Variants in PCSK2 observed in about 807,000 individuals in gnomAD.
PCSK2 encodes proprotein convertase subtilisin/kexin type 2.
A neutral mutation model predicts 69.7 loss-of-function variants in PCSK2; 14 were observed. The observed-to-expected ratio is 0.20, with a 90% CI of 0.13 to 0.31. PCSK2 has a LOEUF of 0.31. PCSK2 is among the 10% of genes least tolerant of loss of function. The pLI is 1.00. For synonymous variants in PCSK2, 307 were observed against 320.7 expected, an observed-to-expected ratio of 0.96 and a Z score of 0.46; for missense variants, 544 against 842.5, an observed-to-expected ratio of 0.65 and a Z score of 4.39.
At chr20:17,452,109 A>G (rs745418019) in intron 8 of PCSK2, among the ~76,000 whole-genome samples, 21 of 151,438 alleles carry the variant, frequency 1.4e-4, no homozygotes, top group Non-Finnish European at 2.7e-4. Context: ...CGAACTCCCG[A>G]CCCCAGGTGA....
At chr20:17,383,157 G>A (rs55709719) in intron 5 of PCSK2, among the ~76,000 whole-genome samples, 11,571 of 152,254 alleles carry the variant, frequency 0.076, 554 homozygotes, top group Non-Finnish European at 0.11. Flanking sequence ...CTGACTGGCT[G>A]AGGATTGAAC....
chr20:17,476,990 A>G (rs2033302026), intron 11 of PCSK2, among the ~76,000 whole-genome samples: 1 of 152,234 alleles, frequency 6.6e-6, no homozygotes, highest in African/African-American at 2.4e-5. Context: ...ATTCAGCATC[A>G]GTATCCGGGG....
chr20:17,369,193 G>A (rs1247450212), intron 4 of PCSK2, 47 bp from the exon 5 acceptor site: 1 of 1,557,054 alleles, frequency 6.4e-7, no homozygotes, highest in African/African-American at 1.4e-5. Context: ...AGGACACAGT[G>A]GCAGGTATTA....
chr20:17,367,389 C>CT (rs1403252865), intron 4 of PCSK2, among the ~76,000 whole-genome samples: 1 of 152,180 alleles, frequency 6.6e-6, no homozygotes, highest in Non-Finnish European at 1.5e-5. Context: ...TTGAAAACCG[C>CT]TTTGCAAAGT....
At chr20:17,264,027 G>A (rs929147419) in intron 2 of PCSK2, among the ~76,000 whole-genome samples, 2 of 152,072 alleles carry the variant, frequency 1.3e-5, no homozygotes, top group African/African-American at 4.8e-5. Flanking sequence ...TTCAGTCCCT[G>A]GTCAACATAT....
rs6034796 is a variant in PCSK2 at position 17,313,493 on chromosome 20, A to G, written c.283-44834A>G. On this transcript the variant is annotated intron_variant, in intron 2 of 11. Coordinates refer to ENST00000262545, the MANE Select transcript of PCSK2 (RefSeq NM_002594.5). ...ACAACACTAAAACCCAGGAGGAAGC[A>G]GTTGACTTAAGACCTTCGAGTGACT... 4.4e-3 allele frequency among the ~76,000 whole-genome samples: 672 copies of G among 152,270 alleles called. 8 individuals carry two copies. Among genetic ancestry groups the G allele is most frequent in the African/African-American group, 0.016 (646 of 41,538 alleles).
At position 17,423,019 on chromosome 20, in the gene PCSK2, A is replaced by T. The variant is rs377392812; in HGVS notation, c.621-6416A>T. 2.6e-5 allele frequency among the ~76,000 whole-genome samples: 4 copies of T among 152,316 alleles called. No homozygotes were observed. The East Asian group carries it at 5.8e-4, about 22-fold the overall frequency. On this transcript the variant is annotated intron_variant, in intron 6 of 11. Transcript: ENST00000262545. ...GGATATAAATCTTTTAGGAAAAAAT[A>T]AAGAAAAACATCTTTATGATCATGA... is the stretch of plus-strand genomic sequence containing the variant.
chr20:17,229,996 C>G lies in PCSK2; in HGVS notation c.177+2514C>G, dbSNP rs147762431. Among the ~76,000 whole-genome samples, 13 of 152,290 alleles carry G rather than the reference C, an allele frequency of 8.5e-5. No homozygotes were observed. In the East Asian group the frequency reaches 2.3e-3, roughly 27 times the overall value. On this transcript the variant is annotated intron_variant, in intron 1 of 11. Transcript: ENST00000262545. ...AGGTAAATATTCAGGGATGATACCT[C>G]CTATATTTCTCATTTCCTCCCTGTA...
At chr20:17,276,062 C>G (rs1293834816) in intron 2 of PCSK2, among the ~76,000 whole-genome samples, 2 of 152,090 alleles carry the variant, frequency 1.3e-5, no homozygotes, top group Non-Finnish European at 2.9e-5. Flanking sequence ...ATTTTGTTCT[C>G]TAGCATTCGA....
chr20:17,399,085 T>G (rs770423135), intron 5 of PCSK2, among the ~76,000 whole-genome samples: 3 of 152,236 alleles, frequency 2.0e-5, no homozygotes, highest in African/African-American at 4.8e-5. Flanking sequence ...CATGAATGAA[T>G]GGAAATGTTT....
At chr20:17,443,910 C>T (rs542264603) in intron 8 of PCSK2, among the ~76,000 whole-genome samples, 1 of 152,316 alleles carries the variant, frequency 6.6e-6, no homozygotes, top group African/African-American at 2.4e-5. Flanking sequence ...ATGAAAAATA[C>T]ATTATTTCAC....
intron 5 of PCSK2, among the ~76,000 whole-genome samples, chr20:17,396,279 A>G (rs918149109): frequency 6.6e-6 from 1 of 152,162 alleles, no homozygotes; most frequent in Non-Finnish European, 1.5e-5. Flanking sequence ...TCAGGCTTCA[A>G]TTGTACTTTG....
At position 17,253,349 on chromosome 20, in the gene PCSK2, TAAC is replaced by T. The variant is rs150938161; in HGVS notation, c.178-6888_178-6886del. Among the ~76,000 whole-genome samples the T allele has an allele frequency of 7.0e-3, 1,064 of 152,280 alleles. 14 individuals are homozygous for T. The highest frequency in any genetic ancestry group is 0.023 in the African/African-American group (976 of 41,552). Reference sequence around the variant, plus strand: ...ACCCTTAAAATAAATCCTGGACCATTAACAATCACTCTTCATTTCTGTCCCCTC... The same window carrying T: ...ACCCTTAAAATAAATCCTGGACCATTAATCACTCTTCATTTCTGTCCCCTC... On this transcript the variant is annotated intron_variant, in intron 1 of 11. Transcript: ENST00000262545.
At chr20:17,469,984 C>G (rs1358575203) in intron 11 of PCSK2, among the ~76,000 whole-genome samples, 2 of 152,272 alleles carry the variant, frequency 1.3e-5, no homozygotes, top group African/African-American at 4.8e-5. Context: ...TCCAGAGGCC[C>G]TTTTCACTGG....
chr20:17,308,755 C>G (rs1276953680), intron 2 of PCSK2, among the ~76,000 whole-genome samples: 2 of 152,154 alleles, frequency 1.3e-5, no homozygotes, highest in African/African-American at 2.4e-5. Context: ...TAGCCAGGAC[C>G]TCTAGCATTT....
At chr20:17,257,654 G>C (rs926666674) in intron 1 of PCSK2, among the ~76,000 whole-genome samples, 1 of 152,118 alleles carries the variant, frequency 6.6e-6, no homozygotes, top group Admixed American at 6.5e-5. Flanking sequence ...TTGCTAAGGG[G>C]CTCTGTTGTG....
chr20:17,442,351 G>A (rs1051414047), intron 8 of PCSK2, among the ~76,000 whole-genome samples: 3 of 152,014 alleles, frequency 2.0e-5, no homozygotes, highest in Non-Finnish European at 2.9e-5. Flanking sequence ...CACTCAGTTT[G>A]TGGTCCTTTG....
intron 2 of PCSK2, among the ~76,000 whole-genome samples, chr20:17,318,155 T>C (rs1600485949): frequency 6.6e-6 from 1 of 152,236 alleles, no homozygotes; most frequent in African/African-American, 2.4e-5. Context: ...TGAGCTCCTA[T>C]TTGGAACATA....
intron 2 of PCSK2, among the ~76,000 whole-genome samples, chr20:17,332,829 C>A (rs1021515434): frequency 6.6e-6 from 1 of 152,086 alleles, no homozygotes; most frequent in African/African-American, 2.4e-5. Flanking sequence ...GTTGTATGCA[C>A]CCTGCCTTTA....
Sources: gnomAD v4.1 joint callset for allele counts (sites outside exome capture counted in the v4.1 genomes callset) on GRCh38, gnomAD v4.1.1 for gene constraint, MANE v1.5 for transcripts, NCBI Gene and HGNC (gene_info 2026-07-23, HGNC 2026-07-21) for gene names.